Variants in DNAJC5 observed in about 807,000 individuals in gnomAD.
DNAJC5 encodes dnaJ homolog subfamily C member 5.
DNAJC5 carries 1 observed loss-of-function variant against 23.2 expected under a neutral mutation model. The ratio of observed to expected loss-of-function variants is 0.04; its 90% CI spans 0.02 to 0.20. The LOEUF (loss-of-function observed/expected upper bound fraction) is 0.20. Among genes scored for constraint, DNAJC5 ranks in the 10% least tolerant of loss-of-function variants. DNAJC5 has a pLI of 1.00. For missense variants in DNAJC5, 180 were observed against 267.0 expected, an observed-to-expected ratio of 0.67 and a Z score of 2.27; for synonymous variants, 136 against 120.0, an observed-to-expected ratio of 1.13 and a Z score of -0.87.
At chr20:63,902,829 C>T (rs2053423206) in intron 1 of DNAJC5, among the ~76,000 whole-genome samples, 1 of 151,484 alleles carries the variant, frequency 6.6e-6, no homozygotes, top group Admixed American at 6.6e-5. Context: ...GCACCCGCCG[C>T]CACGCCCAGC....
chr20:63,898,183 C>G (rs1490864970), intron 1 of DNAJC5, among the ~76,000 whole-genome samples: 2 of 152,172 alleles, frequency 1.3e-5, no homozygotes, highest in Admixed American at 6.6e-5. Context: ...TGGTTTTATC[C>G]TTAGAGCCCA....
In DNAJC5 at chr20:63,928,242, C is replaced by T; in HGVS notation, c.-11-93C>T. 1.9e-6 allele frequency: 2 copies of T among 1,049,710 alleles called. No homozygotes were observed. The highest frequency in any genetic ancestry group is 2.9e-4 in the Middle Eastern group (1 of 3,422). The allele number at this position is 1,049,710 out of a possible 1,614,324, so 65.0% of individuals were successfully genotyped here. The stretch of plus-strand genomic sequence containing the variant: ...CACAAGGCAGTGTTGGATTCTTTTG[C>T]TTTGAACGGTCTTATGGAATAAAGT... On this transcript the variant is annotated intron_variant, in intron 1 of 4. Transcript: ENST00000360864. The surrounding 1 kb of genome is among the most constrained non-coding windows in gnomAD (Gnocchi z 4.6).
At chr20:63,912,159 T>C (rs1303613501) in intron 1 of DNAJC5, among the ~76,000 whole-genome samples, 1 of 152,052 alleles carries the variant, frequency 6.6e-6, no homozygotes, top group African/African-American at 2.4e-5. Flanking sequence ...AAAAATTATC[T>C]GGGCATGGCG....
In DNAJC5 at chr20:63,920,431, C is replaced by T. The variant is rs994109993; in HGVS notation, c.-11-7904C>T. On this transcript the variant is annotated intron_variant, in intron 1 of 4. Transcript: ENST00000360864. The surrounding 1 kb of genome is among the most constrained non-coding windows in gnomAD (Gnocchi z 4.6). Reference sequence around the variant, plus strand: ...TCCGCCAACGTCTGGTGGGGATGCCCGCCATGCGGGGGCCTCAGGCTACAG... The same window carrying T: ...TCCGCCAACGTCTGGTGGGGATGCCTGCCATGCGGGGGCCTCAGGCTACAG... 2.9e-5 allele frequency among the ~76,000 whole-genome samples: 4 copies of T among 135,696 alleles called. No individual in the cohort carries two copies. The highest frequency in any genetic ancestry group is 3.0e-4 in the East Asian group (1 of 3,370). 89.0% of individuals were successfully genotyped at this position (135,696 alleles called of 152,430 possible). A position where few individuals can be genotyped will look rare whatever the true frequency, so the allele number is the denominator to read the frequency against.
At chr20:63,927,939 ATTTAT>A (rs2146303282) in intron 1 of DNAJC5, among the ~76,000 whole-genome samples, 1 of 152,080 alleles carries the variant, frequency 6.6e-6, no homozygotes, top group Admixed American at 6.6e-5. Context: ...TAATTAATTA[ATTTAT>A]TTTGTTTATT....
At chr20:63,915,423 TAA>T (rs10542373) in intron 1 of DNAJC5, among the ~76,000 whole-genome samples, 32,242 of 125,306 alleles carry the variant, frequency 0.26, 5,355 homozygotes, top group East Asian at 0.6. Context: ...CTACAATTGG[TAA>T]AAAAAAAAAA....
chr20:63,913,823 C>T (rs1600868082), intron 1 of DNAJC5, among the ~76,000 whole-genome samples: 1 of 152,214 alleles, frequency 6.6e-6, no homozygotes, highest in South Asian at 2.1e-4. Context: ...AGGGGATCCG[C>T]CCACCTTGGC....
At chr20:63,925,632 T>A (rs1391799495) in intron 1 of DNAJC5, among the ~76,000 whole-genome samples, 1 of 151,684 alleles carries the variant, frequency 6.6e-6, no homozygotes. Flanking sequence ...TAAACTGTCT[T>A]TGGCTTGGAG....
chr20:63,906,749 G>GA (rs1302570471), intron 1 of DNAJC5, among the ~76,000 whole-genome samples: 1 of 152,114 alleles, frequency 6.6e-6, no homozygotes, highest in Non-Finnish European at 1.5e-5. Flanking sequence ...TCGCGCCACT[G>GA]CACTCCAGCC....
intron 1 of DNAJC5, among the ~76,000 whole-genome samples, chr20:63,917,992 C>T (rs1600871169): frequency 6.6e-6 from 1 of 152,210 alleles, no homozygotes; most frequent in Non-Finnish European, 1.5e-5. Flanking sequence ...CTCACGGTAG[C>T]TGCATCAGCT....
chr20:63,926,000 T>C (rs1171552873), intron 1 of DNAJC5, among the ~76,000 whole-genome samples: 1 of 151,976 alleles, frequency 6.6e-6, no homozygotes, highest in East Asian at 1.9e-4. Flanking sequence ...GCTAATTTTT[T>C]TGTATTTTTA....
intron 1 of DNAJC5, among the ~76,000 whole-genome samples, chr20:63,898,058 C>T (rs955337756): frequency 1.3e-5 from 2 of 152,180 alleles, no homozygotes; most frequent in Non-Finnish European, 2.9e-5. Context: ...GCACCTTTGC[C>T]CAAGGTCTCC....
chr20:63,920,258 G>T lies in DNAJC5; in HGVS notation c.-11-8077G>T, dbSNP rs542451465. 9.8e-5 allele frequency among the ~76,000 whole-genome samples: 15 copies of T among 152,386 alleles called. No homozygotes were observed. Among genetic ancestry groups the T allele is most frequent in the African/African-American group, 3.6e-4 (15 of 41,598 alleles). On this transcript the variant is annotated intron_variant, in intron 1 of 4. Transcript: ENST00000360864. This position sits in a 1 kb window ranked among gnomAD's most constrained non-coding sequence, Gnocchi z 4.6. ...TCCAGCCAGCAGGGAGCAGGGCAGG[G>T]TGTTGAAGAGACGGCAGGTGCGTCA...
chr20:63,903,370 C>T (rs961941189), intron 1 of DNAJC5, among the ~76,000 whole-genome samples: 4 of 152,102 alleles, frequency 2.6e-5, no homozygotes, highest in African/African-American at 7.2e-5. Flanking sequence ...AGCAGTGGTG[C>T]GATCTTGGCA....
At chr20:63,902,118 G>A (rs539089090) in intron 1 of DNAJC5, among the ~76,000 whole-genome samples, 17 of 151,254 alleles carry the variant, frequency 1.1e-4, no homozygotes, top group Admixed American at 3.9e-4. Flanking sequence ...GCAGTGACGC[G>A]ATCTCGGCTC....
At chr20:63,904,785 A>G (rs1340888482) in intron 1 of DNAJC5, among the ~76,000 whole-genome samples, 1 of 151,732 alleles carries the variant, frequency 6.6e-6, no homozygotes, top group Non-Finnish European at 1.5e-5. Context: ...AGATTAATAA[A>G]CTGTGGGGGT....
chr20:63,925,245 G>A lies in DNAJC5; in HGVS notation c.-11-3090G>A, dbSNP rs570879144. Reference sequence around the variant, plus strand: ...TCACGCCTGTAATCCCAGCACTTTAGGAGGCTGAGGCAGACGGATCACAAG... The same window carrying A: ...TCACGCCTGTAATCCCAGCACTTTAAGAGGCTGAGGCAGACGGATCACAAG... On this transcript the variant is annotated intron_variant, in intron 1 of 4. Coordinates refer to ENST00000360864, the MANE Select transcript of DNAJC5 (RefSeq NM_025219.3). Among the ~76,000 whole-genome samples, 14 of 152,326 alleles carry A rather than the reference G, an allele frequency of 9.2e-5. No individual in the cohort carries two copies. The East Asian group carries it at 2.5e-3, about 27-fold the overall frequency.
chr20:63,922,004 C>T (rs866491801), intron 1 of DNAJC5, among the ~76,000 whole-genome samples: 10 of 152,094 alleles, frequency 6.6e-5, no homozygotes, highest in African/African-American at 2.4e-4. Flanking sequence ...GTCTCAAACT[C>T]TTGATCTCAG....
intron 1 of DNAJC5, among the ~76,000 whole-genome samples, chr20:63,896,946 A>G (rs2053379508): frequency 6.6e-6 from 1 of 152,078 alleles, no homozygotes; most frequent in Admixed American, 6.5e-5. Context: ...GGGTTCCTGG[A>G]GTGTTGGCCC....
Sources: allele counts gnomAD v4.1 joint callset (sites outside exome capture counted in the v4.1 genomes callset), GRCh38; gene constraint gnomAD v4.1.1; non-coding constraint Gnocchi (gnomAD v3.1); transcripts MANE v1.5; gene names NCBI Gene and HGNC (gene_info 2026-07-23, HGNC 2026-07-21).